NRIP1: variants seen among roughly 807,000 people sequenced by gnomAD.
NRIP1 encodes nuclear receptor interacting protein 1, also known as nuclear receptor-interacting protein 1.
In NRIP1, 28 loss-of-function variants were observed where a neutral mutation model predicts 75.0. The ratio of observed to expected loss-of-function variants is 0.37; its 90% CI spans 0.28 to 0.51. The LOEUF is 0.51. Among genes scored for constraint, NRIP1 ranks in the 20% least tolerant of loss-of-function variants. The pLI, the probability that NRIP1 is intolerant of heterozygous loss-of-function variation, is 0.92. For synonymous variants in NRIP1, 526 were observed against 487.6 expected, an observed-to-expected ratio of 1.08 and a Z score of -1.04; for missense variants, 1,435 against 1,343.7, an observed-to-expected ratio of 1.07 and a Z score of -1.06.
At chr21:15,055,861 C>T (rs763818058) in intron 1 of NRIP1, among the ~76,000 whole-genome samples, 16 of 151,968 alleles carry the variant, frequency 1.1e-4, no homozygotes, top group Middle Eastern at 6.8e-3. Context: ...GGCATTTTAA[C>T]TTAACAGCAA....
chr21:14,965,649 T>C lies in NRIP1; in HGVS notation c.2544A>G (p.Glu848=), dbSNP rs1323640385. Residue 848 remains glutamate (E), a synonymous_variant, in exon 4 of 4, where the codon GAA becomes GAG. Transcript: ENST00000318948. The stretch of plus-strand genomic sequence containing the variant: ...TAGGGACCATGCAAAGATTCTTTGA[T>C]TCTAGAAGTGCCATTTCATTATTTC... ...SHRNNEMALL[E]SKNLCMVPKK... 1 of 1,613,432 alleles carries C rather than the reference T, an allele frequency of 6.2e-7. No homozygotes were observed. Among genetic ancestry groups the C allele is most frequent in the African/African-American group, 1.3e-5 (1 of 74,982 alleles).
rs8128463 is a variant in NRIP1, at chr21:15,023,908, C to G, written c.-457-9442G>C. ...GAGAAAATATTTGACAAAAGTTACA[C>G]TTTAGATCTCCAGAGAACGGAGACA... On this transcript the variant is annotated intron_variant, in intron 2 of 3. Coordinates refer to ENST00000318948, the MANE Select transcript of NRIP1 (RefSeq NM_003489.4). Among the ~76,000 whole-genome samples the G allele has an allele frequency of 5.7e-3, 866 of 152,282 alleles. 12 individuals are homozygous for G. The highest frequency in any genetic ancestry group is 0.02 in the African/African-American group (831 of 41,554).
rs758728518 is a variant in NRIP1, at chr21:14,966,910, C to T, written c.1283G>A (p.Ser428Asn). ...SDNNPSFTDD[S>N]SGDESSYSNC... ...GGAATAAGAACTTTCATCACCACTG[C>T]TGTCATCTGTAAAACTAGGATTGTT... Residue 428 changes from serine to asparagine, a missense_variant, in exon 4 of 4, where the codon AGC (serine) becomes AAC (asparagine). Physicochemically the swap from Ser to Asn is conservative, Grantham distance 46. Coordinates refer to ENST00000318948, the MANE Select transcript of NRIP1 (RefSeq NM_003489.4). The T allele has an allele frequency of 6.2e-7, 1 of 1,614,078 alleles. No homozygotes were observed. The highest frequency in any genetic ancestry group is 1.1e-5 in the South Asian group (1 of 91,078).
intron 2 of NRIP1, among the ~76,000 whole-genome samples, chr21:15,030,012 C>A (rs2088608144): frequency 6.6e-6 from 1 of 152,104 alleles, no homozygotes; most frequent in Admixed American, 6.6e-5. Context: ...GGAGGTGAAT[C>A]CCAATTAAGT....
rs1328829523 is a variant in NRIP1, at chr21:14,964,878, T to C, written c.3315A>G (p.Lys1105=). ...SAESVSQVTA[K]EELLPTAETK... is the part of the protein sequence containing the mutation. ...TTTCTGCAGTAGGAAGTAACTCTTCTTTGGCTGTGACCTGTGAGACACTTT... is the reference window on the plus strand; with the variant it reads ...TTTCTGCAGTAGGAAGTAACTCTTCCTTGGCTGTGACCTGTGAGACACTTT... Residue 1105 remains lysine (K), a synonymous_variant, in exon 4 of 4, where the codon AAA becomes AAG. Coordinates refer to ENST00000318948, the MANE Select transcript of NRIP1 (RefSeq NM_003489.4). 1 of 1,613,402 alleles carries C rather than the reference T, an allele frequency of 6.2e-7. No individual in the cohort carries two copies. Among genetic ancestry groups the C allele is most frequent in the African/African-American group, 1.3e-5 (1 of 74,984 alleles).
At chr21:15,003,040 A>G (rs1007607031) in intron 3 of NRIP1, among the ~76,000 whole-genome samples, 7 of 152,234 alleles carry the variant, frequency 4.6e-5, no homozygotes, top group Admixed American at 2.6e-4. Context: ...TTATAAATCT[A>G]GAGTTCTGGT....
At chr21:14,981,699 T>C (rs1908277722) in intron 3 of NRIP1, among the ~76,000 whole-genome samples, 1 of 152,170 alleles carries the variant, frequency 6.6e-6, no homozygotes, top group Non-Finnish European at 1.5e-5. Flanking sequence ...TTAGCATCAT[T>C]TAATAAAATT....
chr21:15,019,134 A>C (rs2088306308), intron 2 of NRIP1, among the ~76,000 whole-genome samples: 1 of 147,960 alleles, frequency 6.8e-6, no homozygotes, highest in African/African-American at 2.5e-5. Context: ...ATAATATATT[A>C]TTATATTTAT....
At chr21:15,023,698 A>T (rs2088435579) in intron 2 of NRIP1, among the ~76,000 whole-genome samples, 1 of 152,212 alleles carries the variant, frequency 6.6e-6, no homozygotes, top group African/African-American at 2.4e-5. Context: ...TAATAAGTTG[A>T]TTCTAAAATT....
At chr21:15,031,871 G>A (rs1464732330) in intron 2 of NRIP1, among the ~76,000 whole-genome samples, 11 of 147,020 alleles carry the variant, frequency 7.5e-5, no homozygotes, top group South Asian at 4.4e-4. Context: ...CTTTCTATGT[G>A]TATACACTCT....
chr21:15,017,835 G>A (rs371994048), intron 2 of NRIP1, among the ~76,000 whole-genome samples: 1 of 152,164 alleles, frequency 6.6e-6, no homozygotes, highest in East Asian at 1.9e-4. Flanking sequence ...CCCACAATGT[G>A]TATTTGATAT....
intron 1 of NRIP1, chr21:15,050,875 G>C (rs1031419872): frequency 6.6e-6 from 3 of 456,004 alleles, no homozygotes; most frequent in Non-Finnish European, 8.8e-6. Context: ...ATATTCCCCT[G>C]CCTGGTATCT....
intron 1 of NRIP1, among the ~76,000 whole-genome samples, chr21:15,053,483 T>A (rs1177764878): frequency 6.6e-6 from 1 of 152,206 alleles, no homozygotes; most frequent in Non-Finnish European, 1.5e-5. Flanking sequence ...CAACTTTTAG[T>A]TCATGAAATA....
intron 2 of NRIP1, among the ~76,000 whole-genome samples, chr21:15,024,567 A>T (rs977463243): frequency 6.9e-6 from 1 of 145,562 alleles, no homozygotes; most frequent in African/African-American, 2.5e-5. Flanking sequence ...TGGTATCCAG[A>T]GTGTGTGTGT....
At chr21:14,975,212 C>T (rs762044920) in intron 3 of NRIP1, among the ~76,000 whole-genome samples, 105 of 105,364 alleles carry the variant, frequency 1.0e-3, no homozygotes, top group Non-Finnish European at 1.9e-3. Flanking sequence ...TAATCAATAG[C>T]ACCATAATCA....
At chr21:15,033,334 T>C (rs1216744563) in intron 2 of NRIP1, among the ~76,000 whole-genome samples, 1 of 152,152 alleles carries the variant, frequency 6.6e-6, no homozygotes. Flanking sequence ...TGAATTTATT[T>C]CCATTTTACA....
intron 3 of NRIP1, among the ~76,000 whole-genome samples, chr21:15,014,077 C>A (rs1343058449): frequency 6.6e-6 from 1 of 152,166 alleles, no homozygotes; most frequent in Non-Finnish European, 1.5e-5. Flanking sequence ...GAATATTTTT[C>A]TCCATTTCTC....
At chr21:14,981,725 T>C (rs2087240805) in intron 3 of NRIP1, among the ~76,000 whole-genome samples, 1 of 152,218 alleles carries the variant, frequency 6.6e-6, no homozygotes. Flanking sequence ...ACTTTAACAC[T>C]GAAAACTAAA....
At chr21:15,000,835 G>A (rs2087832982) in intron 3 of NRIP1, among the ~76,000 whole-genome samples, 1 of 152,054 alleles carries the variant, frequency 6.6e-6, no homozygotes, top group Non-Finnish European at 1.5e-5. Flanking sequence ...AAATTTAATA[G>A]TCTGAATTTT....
Sources: gnomAD v4.1 joint callset for allele counts (sites outside exome capture counted in the v4.1 genomes callset) on GRCh38, gnomAD v4.1.1 for gene constraint, MANE v1.5 for transcripts, NCBI Gene and HGNC (gene_info 2026-07-23, HGNC 2026-07-21) for gene names.